The following SCRG1 variants were observed in gnomAD, a reference collection of about 807,000 sequenced individuals.
SCRG1 encodes the protein stimulator of chondrogenesis 1.
A neutral mutation model predicts 7.7 loss-of-function variants in SCRG1; 3 were observed. That is an observed-to-expected ratio of 0.39 (90% CI 0.18 to 1.01). The LOEUF (loss-of-function observed/expected upper bound fraction) is 1.01, where lower values mean the gene tolerates loss of function less well. Ranked by LOEUF, SCRG1 falls within the 50% of genes least tolerant of loss-of-function variation. The pLI is 0.36. For missense variants in SCRG1, 110 were observed against 117.2 expected, an observed-to-expected ratio of 0.94 and a Z score of 0.28; for synonymous variants, 46 against 41.2, an observed-to-expected ratio of 1.12 and a Z score of -0.44.
At chr4:173,396,712 T>TTGTGTGTGTGTGTGTGTGTG (rs71594043) in intron 1 of SCRG1, among the ~76,000 whole-genome samples, 19 of 107,062 alleles carry the variant, frequency 1.8e-4, no homozygotes, top group African/African-American at 3.1e-4. Flanking sequence ...ACTGGTAGTT[T>TTGTGTGTGTGTGTGTGTGTG]TGTGTGTGTG....
chr4:173,484,316 AT>A, the SCRG1 span, among the ~76,000 whole-genome samples: 2 of 70,854 alleles, frequency 2.8e-5, no homozygotes, highest in African/African-American at 1.1e-4. Context: ...TATATTATAT[AT>A]TTTATACATA....
intron 1 of SCRG1, among the ~76,000 whole-genome samples, chr4:173,405,623 T>C (rs910507112): frequency 1.3e-5 from 2 of 152,248 alleles, no homozygotes; most frequent in Admixed American, 6.5e-5. Context: ...GATGAACTCA[T>C]GTATATTTAT....
the SCRG1 span, among the ~76,000 whole-genome samples, chr4:173,450,951 G>A: frequency 1.3e-5 from 2 of 152,136 alleles, no homozygotes; most frequent in Non-Finnish European, 2.9e-5. Context: ...CCAGGAGAGA[G>A]AAGGGGGACC....
the SCRG1 span, among the ~76,000 whole-genome samples, chr4:173,492,188 G>C: frequency 2.0e-5 from 3 of 152,002 alleles, no homozygotes; most frequent in African/African-American, 7.3e-5. Flanking sequence ...ATCAAAACAG[G>C]CAGAATAGTC....
chr4:173,434,818 G>A, the SCRG1 span, among the ~76,000 whole-genome samples: 1 of 152,154 alleles, frequency 6.6e-6, no homozygotes, highest in Non-Finnish European at 1.5e-5. Flanking sequence ...GCAACAGAGT[G>A]AGACTCCGTC....
the SCRG1 span, among the ~76,000 whole-genome samples, chr4:173,497,906 C>T: frequency 9.9e-5 from 15 of 152,184 alleles, no homozygotes; most frequent in South Asian, 4.2e-4. Context: ...TCTCGAACTC[C>T]GGACCTCAGG....
chr4:173,458,588 G>A, the SCRG1 span, among the ~76,000 whole-genome samples: 5 of 151,994 alleles, frequency 3.3e-5, no homozygotes, highest in South Asian at 2.1e-4. Flanking sequence ...TATTAAACTC[G>A]CTGGTAAAGC....
chr4:173,422,077 A>G, the SCRG1 span, among the ~76,000 whole-genome samples: 19 of 152,162 alleles, frequency 1.2e-4, no homozygotes, highest in African/African-American at 4.3e-4. Context: ...GCTGAAACAT[A>G]TTTTTATATT....
At chr4:173,422,950 A>T in the SCRG1 span, among the ~76,000 whole-genome samples, 1 of 152,108 alleles carries the variant, frequency 6.6e-6, no homozygotes, top group Non-Finnish European at 1.5e-5. Flanking sequence ...GAGTCTTGGA[A>T]TTTACTGTTT....
At chr4:173,494,246 T>C in the SCRG1 span, among the ~76,000 whole-genome samples, 2 of 152,108 alleles carry the variant, frequency 1.3e-5, no homozygotes, top group Non-Finnish European at 2.9e-5. Context: ...ATGCGGTAGA[T>C]TGGCACCTTA....
In SCRG1 at chr4:173,387,912, G is replaced by A. The variant is rs1163318070; in HGVS notation, c.*429C>T. On this transcript the variant is annotated 3_prime_UTR_variant, in exon 3 of 3. Coordinates refer to ENST00000296506, the MANE Select transcript of SCRG1 (RefSeq NM_007281.4). Reference sequence around the variant, plus strand: ...GAGGGGGTCTCACTATGTTGCCCAGGCTGGTCCCTTTTTCCTTCTTACTAG... The same window carrying A: ...GAGGGGGTCTCACTATGTTGCCCAGACTGGTCCCTTTTTCCTTCTTACTAG... 2 of 153,138 alleles carry A rather than the reference G, an allele frequency of 1.3e-5. No individual in the cohort carries two copies. The highest frequency in any genetic ancestry group is 2.9e-5 in the Non-Finnish European group (2 of 68,992). The allele number at this position is 153,138 out of a possible 1,614,324, so 9.5% of individuals were successfully genotyped here. A position where few individuals can be genotyped will look rare whatever the true frequency, so the allele number is the denominator to read the frequency against.
the SCRG1 span, among the ~76,000 whole-genome samples, chr4:173,455,422 G>A: frequency 5.3e-5 from 8 of 152,150 alleles, no homozygotes; most frequent in Non-Finnish European, 7.4e-5. Flanking sequence ...CAAGGTTCCA[G>A]CAGTGAAGGG....
At chr4:173,459,324 C>A in the SCRG1 span, among the ~76,000 whole-genome samples, 2 of 152,296 alleles carry the variant, frequency 1.3e-5, no homozygotes, top group Middle Eastern at 3.4e-3. Flanking sequence ...TTTTCATCAG[C>A]ACATGAAACA....
chr4:173,419,761 C>T, the SCRG1 span: 8 of 1,395,344 alleles, frequency 5.7e-6, no homozygotes, highest in East Asian at 2.3e-5. Flanking sequence ...AGGCACCTGG[C>T]TGACCATCAA....
chr4:173,457,342 C>T, the SCRG1 span, among the ~76,000 whole-genome samples: 2 of 152,200 alleles, frequency 1.3e-5, no homozygotes, highest in African/African-American at 4.8e-5. Context: ...ATGTTGATGA[C>T]ACTCAGAAGT....
chr4:173,468,053 C>T, the SCRG1 span: 1 of 152,548 alleles, frequency 6.6e-6, no homozygotes. Flanking sequence ...TTGATGAAAA[C>T]CTTTGCTGAA....
At chr4:173,484,043 T>G in the SCRG1 span, among the ~76,000 whole-genome samples, 1 of 73,828 alleles carries the variant, frequency 1.4e-5, no homozygotes, top group Non-Finnish European at 2.3e-5. Flanking sequence ...TATATAATTA[T>G]AAATATAATA....
the SCRG1 span, among the ~76,000 whole-genome samples, chr4:173,445,790 T>C: frequency 3.2e-4 from 48 of 151,366 alleles, 1 homozygote; most frequent in African/African-American, 1.1e-3. Flanking sequence ...CTCAGCCTCC[T>C]GAGTAGCTGG....
chr4:173,483,807 ATATGTAAT>A, the SCRG1 span, among the ~76,000 whole-genome samples: 1 of 72,078 alleles, frequency 1.4e-5, no homozygotes, highest in East Asian at 4.9e-4. Flanking sequence ...ATGATATATG[ATATGTAAT>A]ATATATAATA....
Sources: allele counts gnomAD v4.1 joint callset (sites outside exome capture counted in the v4.1 genomes callset), GRCh38; gene constraint gnomAD v4.1.1; transcripts MANE v1.5; gene names NCBI Gene and HGNC (gene_info 2026-07-23, HGNC 2026-07-21).